SMAP1: variants seen among roughly 807,000 people sequenced by gnomAD.
The protein encoded by SMAP1 is stromal membrane-associated protein 1.
A neutral mutation model predicts 58.5 loss-of-function variants in SMAP1; 24 were observed. The observed-to-expected ratio is 0.41, with a 90% CI of 0.30 to 0.58. The LOEUF (loss-of-function observed/expected upper bound fraction) is 0.58. SMAP1 is among the 20% of genes least tolerant of loss of function. SMAP1 has a pLI of 0.29. For missense variants in SMAP1, 563 were observed against 566.3 expected, an observed-to-expected ratio of 0.99 and a Z score of 0.06; for synonymous variants, 216 against 196.6, an observed-to-expected ratio of 1.10 and a Z score of -0.82.
At chr6:70,685,632 T>C (rs1766906066) in intron 1 of SMAP1, among the ~76,000 whole-genome samples, 1 of 152,228 alleles carries the variant, frequency 6.6e-6, no homozygotes, top group Non-Finnish European at 1.5e-5. Context: ...GCTTTGTACG[T>C]ACCTTTCTGA....
At chr6:70,767,179 G>A (rs558641650) in intron 3 of SMAP1, among the ~76,000 whole-genome samples, 3,610 of 151,968 alleles carry the variant, frequency 0.024, 141 homozygotes, top group African/African-American at 0.083. Flanking sequence ...GTCAGGTAGC[G>A]TGATGCCTCC....
intron 2 of SMAP1, among the ~76,000 whole-genome samples, chr6:70,732,784 A>T (rs912333770): frequency 6.6e-6 from 1 of 152,192 alleles, no homozygotes; most frequent in African/African-American, 2.4e-5. Flanking sequence ...AAAATTTGCC[A>T]GTATAATTCC....
At chr6:70,697,609 T>G (rs1767462649) in intron 1 of SMAP1, among the ~76,000 whole-genome samples, 1 of 152,262 alleles carries the variant, frequency 6.6e-6, no homozygotes, top group Admixed American at 6.5e-5. Context: ...CCTGGCCGCT[T>G]CTTGTCTTTT....
intron 6 of SMAP1, among the ~76,000 whole-genome samples, chr6:70,805,371 C>G (rs1018100773): frequency 1.1e-4 from 17 of 152,196 alleles, no homozygotes; most frequent in Non-Finnish European, 2.4e-4. Flanking sequence ...AAGGTCTTCT[C>G]TACACTGTTT....
intron 1 of SMAP1, among the ~76,000 whole-genome samples, chr6:70,670,001 G>A (rs1161132173): frequency 6.6e-6 from 1 of 151,214 alleles, no homozygotes; most frequent in African/African-American, 2.4e-5. Flanking sequence ...AGAGAATCAT[G>A]TACTTCTTAA....
chr6:70,693,141 A>C (rs1767247109), intron 1 of SMAP1, among the ~76,000 whole-genome samples: 1 of 151,830 alleles, frequency 6.6e-6, no homozygotes, highest in South Asian at 2.1e-4. Flanking sequence ...TATGTACTAT[A>C]ATTTGTTTTT....
Position 70,668,014 on chromosome 6 carries a change from C to G in SMAP1, c.-10C>G, listed in dbSNP as rs111809876. 43 of 1,584,338 alleles carry G rather than the reference C, an allele frequency of 2.7e-5. No homozygotes were observed. The highest frequency in any genetic ancestry group is 3.4e-5 in the Non-Finnish European group (40 of 1,167,198). On this transcript the variant is annotated 5_prime_UTR_variant, in exon 1 of 11. Transcript: ENST00000370455. ...CGTAGCTGCCCCAGGCTCCCCGCCC[C>G]GCTGCCGAGATGGCGACGCGCTCCT...
At chr6:70,706,263 C>G (rs1767833384) in intron 1 of SMAP1, among the ~76,000 whole-genome samples, 1 of 152,120 alleles carries the variant, frequency 6.6e-6, no homozygotes, top group East Asian at 1.9e-4. Context: ...TTATATGATA[C>G]AAGAGAAACA....
intron 1 of SMAP1, among the ~76,000 whole-genome samples, chr6:70,683,778 AG>A (rs1480933473): frequency 3.3e-5 from 5 of 152,242 alleles, no homozygotes; most frequent in African/African-American, 1.2e-4. Context: ...GAGATACAAG[AG>A]ACCTGTATGG....
At chr6:70,806,974 C>A (rs547265596) in intron 6 of SMAP1, among the ~76,000 whole-genome samples, 1 of 152,288 alleles carries the variant, frequency 6.6e-6, no homozygotes, top group South Asian at 2.1e-4. Flanking sequence ...TTCTATTTGT[C>A]ATATATGTCT....
intron 1 of SMAP1, among the ~76,000 whole-genome samples, chr6:70,703,413 G>A (rs1470136520): frequency 1.3e-5 from 2 of 151,946 alleles, no homozygotes; most frequent in African/African-American, 2.4e-5. Context: ...GAATTGTATC[G>A]GTTCCTGATA....
At chr6:70,670,657 T>C (rs570607812) in intron 1 of SMAP1, among the ~76,000 whole-genome samples, 51 of 152,242 alleles carry the variant, frequency 3.3e-4, no homozygotes, top group Non-Finnish European at 4.7e-4. Context: ...CTTCACTGTC[T>C]AGTAAATTGC....
At chr6:70,691,507 C>T (rs1214133385) in intron 1 of SMAP1, among the ~76,000 whole-genome samples, 1 of 152,100 alleles carries the variant, frequency 6.6e-6, no homozygotes, top group Non-Finnish European at 1.5e-5. Flanking sequence ...TTATTGTTGA[C>T]TGTAATCACC....
At chr6:70,790,220 A>G (rs1768283820) in intron 4 of SMAP1, among the ~76,000 whole-genome samples, 1 of 152,158 alleles carries the variant, frequency 6.6e-6, no homozygotes, top group African/African-American at 2.4e-5. Flanking sequence ...GGCTCACTGC[A>G]ACCTCCGCCT....
At chr6:70,801,015 T>A (rs953294612) in intron 6 of SMAP1, among the ~76,000 whole-genome samples, 4 of 152,194 alleles carry the variant, frequency 2.6e-5, no homozygotes, top group Non-Finnish European at 5.9e-5. Context: ...TGATTTATAA[T>A]CCTTTGGGTA....
At chr6:70,766,000 G>T (rs1766962523) in intron 3 of SMAP1, among the ~76,000 whole-genome samples, 1 of 149,896 alleles carries the variant, frequency 6.7e-6, no homozygotes, top group Non-Finnish European at 1.5e-5. Context: ...GCAGTGTTTG[G>T]TTTTTTGTTC....
intron 1 of SMAP1, among the ~76,000 whole-genome samples, chr6:70,677,255 A>G (rs1002961105): frequency 1.3e-5 from 2 of 150,078 alleles, no homozygotes; most frequent in Non-Finnish European, 3.0e-5. Context: ...CCATAGAAAC[A>G]GCATGATAGA....
chr6:70,729,722 C>G (rs1025159464), intron 1 of SMAP1, among the ~76,000 whole-genome samples: 3 of 152,054 alleles, frequency 2.0e-5, no homozygotes, highest in Admixed American at 1.3e-4. Context: ...TCAGTTCTTC[C>G]TGGTGATTTC....
intron 7 of SMAP1, among the ~76,000 whole-genome samples, chr6:70,850,876 T>C (rs1771157500): frequency 6.6e-6 from 1 of 152,086 alleles, no homozygotes; most frequent in South Asian, 2.1e-4. Flanking sequence ...GAAAACAAAG[T>C]AGCGCTTTAA....
Sources: gnomAD v4.1 joint callset for allele counts (sites outside exome capture counted in the v4.1 genomes callset) on GRCh38, gnomAD v4.1.1 for gene constraint, MANE v1.5 for transcripts, NCBI Gene and HGNC (gene_info 2026-07-23, HGNC 2026-07-21) for gene names.